CNTLN: variants seen among roughly 807,000 people sequenced by gnomAD.
CNTLN encodes the protein centlein.
CNTLN carries 212 observed loss-of-function variants against 180.0 expected under a neutral mutation model. The observed-to-expected ratio is 1.18, with a 90% confidence interval of 1.05 to 1.32. CNTLN has a LOEUF of 1.32. CNTLN is among the 40% of genes most tolerant of loss of function. The pLI is 0.00. For missense variants in CNTLN, 2,095 were observed against 1,610.9 expected, an observed-to-expected ratio of 1.30 and a Z score of -5.14; for synonymous variants, 722 against 563.1, an observed-to-expected ratio of 1.28 and a Z score of -3.99.
chr9:17,287,889 C>T (rs1373900190), intron 6 of CNTLN, among the ~76,000 whole-genome samples: 20 of 145,826 alleles, frequency 1.4e-4, no homozygotes, highest in Non-Finnish European at 2.8e-4. Context: ...CTATTTGATT[C>T]TTCTCTCTTT....
rs1456379699 is a variant in CNTLN at position 17,359,717 on chromosome 9, T to TAA, written c.1887-6896_1887-6895dup. 2.0e-3 allele frequency among the ~76,000 whole-genome samples: 27 copies of TAA among 13,472 alleles called. 1 individual carries two copies. The highest frequency in any genetic ancestry group is 0.014 in the Admixed American group (12 of 838). 8.8% of individuals were successfully genotyped at this position (13,472 alleles called of 152,430 possible). A position where few individuals can be genotyped will look rare whatever the true frequency, so the allele number is the denominator to read the frequency against. On this transcript the variant is annotated intron_variant, in intron 12 of 25. Coordinates refer to ENST00000380647, the MANE Select transcript of CNTLN (RefSeq NM_017738.4). ...TAACACGGTGAAACTCCGTCTATAC[T>TAA]AAAAATACAAAAAAAAAAAAAAAAA...
At chr9:17,306,953 C>G (rs1759459) in intron 7 of CNTLN, among the ~76,000 whole-genome samples, 30,261 of 151,936 alleles carry the variant, frequency 0.2, 3,715 homozygotes, top group African/African-American at 0.34. Context: ...CCAGGGTTTG[C>G]TTTTTTCTTT....
chr9:17,389,795 A>G (rs574763755), intron 14 of CNTLN, among the ~76,000 whole-genome samples: 2 of 152,242 alleles, frequency 1.3e-5, no homozygotes, highest in Non-Finnish European at 2.9e-5. Flanking sequence ...TATTGGCAGA[A>G]TTGTGTCCTG....
chr9:17,513,026 A>G, the CNTLN span, among the ~76,000 whole-genome samples: 7 of 152,074 alleles, frequency 4.6e-5, no homozygotes, highest in African/African-American at 9.7e-5. Flanking sequence ...TCACCGTGTT[A>G]GCCAGAATGG....
At chr9:17,354,606 C>T (rs555998671) in intron 12 of CNTLN, among the ~76,000 whole-genome samples, 2 of 152,104 alleles carry the variant, frequency 1.3e-5, no homozygotes, top group African/African-American at 4.8e-5. Context: ...GAAACTATAT[C>T]TAACTAATCT....
chr9:17,238,243 A>G (rs1200399478), intron 5 of CNTLN, among the ~76,000 whole-genome samples: 1 of 152,180 alleles, frequency 6.6e-6, no homozygotes, highest in Admixed American at 6.5e-5. Flanking sequence ...AAGTTTGTGA[A>G]TTTTGGTAGT....
intron 2 of CNTLN, among the ~76,000 whole-genome samples, chr9:17,221,891 A>G (rs1323434319): frequency 6.6e-6 from 1 of 152,048 alleles, no homozygotes; most frequent in East Asian, 1.9e-4. Context: ...CCATAACTGT[A>G]TCTACCAACA....
chr9:17,478,623 G>C (rs1832480670), intron 23 of CNTLN, among the ~76,000 whole-genome samples: 1 of 151,854 alleles, frequency 6.6e-6, no homozygotes, highest in African/African-American at 2.4e-5. Context: ...TATGCTTTCA[G>C]GTCTGATACT....
the CNTLN span, among the ~76,000 whole-genome samples, chr9:17,516,082 T>C: frequency 0.014 from 2,103 of 152,288 alleles, 46 homozygotes; most frequent in African/African-American, 0.046. Flanking sequence ...CTGTCTGGAA[T>C]TCTGTCTCCC....
rs542378176 is a variant in CNTLN at position 17,370,418 on chromosome 9, A to G, written c.1987+3701A>G. ...TGGCATGACATACTTAAAGTGCTGA[A>G]GGAAAAAACAACAACAGACTTTTGC... is the stretch of plus-strand genomic sequence containing the variant. On this transcript the variant is annotated intron_variant, in intron 13 of 25. Coordinates refer to ENST00000380647, the MANE Select transcript of CNTLN (RefSeq NM_017738.4). Among the ~76,000 whole-genome samples, 5 of 152,176 alleles carry G rather than the reference A, an allele frequency of 3.3e-5. No homozygotes were observed. In the South Asian group the frequency reaches 1.0e-3, roughly 32 times the overall value.
intron 13 of CNTLN, among the ~76,000 whole-genome samples, chr9:17,374,904 T>G (rs1156453907): frequency 1.3e-5 from 2 of 151,412 alleles, no homozygotes; most frequent in East Asian, 3.9e-4. Context: ...ATGATCTAGC[T>G]ATCACACTGC....
intron 6 of CNTLN, among the ~76,000 whole-genome samples, chr9:17,284,288 G>C (rs1828842318): frequency 6.6e-6 from 1 of 152,156 alleles, no homozygotes; most frequent in African/African-American, 2.4e-5. Context: ...AAATGAATTA[G>C]GGAGCAGACC....
chr9:17,177,220 T>C (rs1019994810), intron 2 of CNTLN, among the ~76,000 whole-genome samples: 4 of 152,036 alleles, frequency 2.6e-5, no homozygotes, highest in African/African-American at 9.7e-5. Context: ...CTATCTTGGC[T>C]AACATGGTGA....
chr9:17,463,230 G>T (rs575925570), intron 20 of CNTLN, among the ~76,000 whole-genome samples: 1 of 151,428 alleles, frequency 6.6e-6, no homozygotes, highest in Non-Finnish European at 1.5e-5. Context: ...TTAAATTTCC[G>T]TTATTAAACA....
intron 6 of CNTLN, among the ~76,000 whole-genome samples, chr9:17,292,141 G>C (rs531109020): frequency 1.3e-5 from 2 of 152,130 alleles, no homozygotes; most frequent in Non-Finnish European, 2.9e-5. Context: ...ATCTCTTCTC[G>C]CTTGTAGGGT....
chr9:17,162,772 A>C (rs1819773912), intron 2 of CNTLN, among the ~76,000 whole-genome samples: 1 of 152,206 alleles, frequency 6.6e-6, no homozygotes. Context: ...AACAGTTACC[A>C]TAAAGTCAGT....
In CNTLN at chr9:17,416,052, C is replaced by A; in HGVS notation, c.2977C>A (p.Gln993Lys). The change falls in exon 18 of 26, where the codon CAA becomes AAA. Residue 993 changes from glutamine (Q) to lysine (K), a missense_variant. Gln to Lys is a moderately conservative substitution (Grantham distance 53). Coordinates refer to ENST00000380647, the MANE Select transcript of CNTLN (RefSeq NM_017738.4). ...ACGAGAACGGATTATATCCTTGCAA[C>A]AACAAAACAGTGTACTTCAGAATGC... Reference protein sequence around the residue: ...LLRERIISLQQQNSVLQNAKK... With the variant: ...LLRERIISLQKQNSVLQNAKK... 6.2e-7 allele frequency: 1 copy of A among 1,613,446 alleles called. No homozygotes were observed. Among genetic ancestry groups the A allele is most frequent in the Non-Finnish European group, 8.5e-7 (1 of 1,179,670 alleles).
intron 2 of CNTLN, among the ~76,000 whole-genome samples, chr9:17,151,961 G>A (rs1008720316): frequency 1.3e-5 from 2 of 152,102 alleles, no homozygotes; most frequent in African/African-American, 4.8e-5. Context: ...GGTGTTTATA[G>A]TATTCTCTGA....
At chr9:17,506,424 G>C (rs2134444131), downstream of CNTLN, among the ~76,000 whole-genome samples, 1 of 152,244 alleles carries the variant, frequency 6.6e-6, no homozygotes, top group South Asian at 2.1e-4. Flanking sequence ...TCCTCTGTGA[G>C]TAACATTTAT....
Sources: gnomAD v4.1 joint callset for allele counts (sites outside exome capture counted in the v4.1 genomes callset) on GRCh38, gnomAD v4.1.1 for gene constraint, MANE v1.5 for transcripts, NCBI Gene and HGNC (gene_info 2026-07-23, HGNC 2026-07-21) for gene names.